RARB: variants seen among roughly 807,000 people sequenced by gnomAD.
The protein encoded by RARB is retinoic acid receptor beta.
Under a neutral mutation model 51.9 loss-of-function variants are expected in RARB, and 17 were observed. The observed-to-expected ratio is 0.33, with a 90% CI of 0.22 to 0.49. The LOEUF is 0.49. Ranked by LOEUF, RARB falls within the 20% of genes least tolerant of loss-of-function variation. The pLI is 0.99. For missense variants in RARB, 369 were observed against 550.8 expected (o/e 0.67, Z 3.30); for synonymous variants, 215 against 195.4 (o/e 1.10, Z -0.84).
At chr3:25,204,607 T>G (rs942221674) in intron 5 of RARB, among the ~76,000 whole-genome samples, 5 of 152,222 alleles carry the variant, frequency 3.3e-5, no homozygotes, top group Non-Finnish European at 7.3e-5. Flanking sequence ...GGTTTTGGTG[T>G]GGATGTCCTT....
intron 5 of RARB, among the ~76,000 whole-genome samples, chr3:25,344,650 C>A (rs1420458778): frequency 1.3e-5 from 2 of 152,222 alleles, no homozygotes; most frequent in Non-Finnish European, 2.9e-5. Flanking sequence ...AACATTGACA[C>A]AGCTTGGCAA....
chr3:25,576,569 C>A (rs1036167317), intron 4 of RARB, among the ~76,000 whole-genome samples: 2 of 152,190 alleles, frequency 1.3e-5, no homozygotes, highest in Non-Finnish European at 2.9e-5. Flanking sequence ...GCTCAGGAAT[C>A]TTAGACGATG....
chr3:25,302,357 A>T (rs918490516), intron 5 of RARB, among the ~76,000 whole-genome samples: 15 of 152,372 alleles, frequency 9.8e-5, no homozygotes, highest in Non-Finnish European at 2.2e-4. Flanking sequence ...GATTGTAAAT[A>T]ACCCAAATAT....
intron 3 of RARB, among the ~76,000 whole-genome samples, chr3:25,086,020 G>T (rs893688609): frequency 6.6e-6 from 1 of 152,082 alleles, no homozygotes; most frequent in African/African-American, 2.4e-5. Context: ...TACATCTTAC[G>T]GCTTTGCCAT....
At chr3:25,280,393 C>T (rs1182341352) in intron 5 of RARB, among the ~76,000 whole-genome samples, 1 of 152,154 alleles carries the variant, frequency 6.6e-6, no homozygotes, top group Non-Finnish European at 1.5e-5. Flanking sequence ...GCTGCTTCTG[C>T]TGTTTTCTCA....
At chr3:24,880,280 G>A (rs1703133874) in intron 2 of RARB, among the ~76,000 whole-genome samples, 1 of 151,720 alleles carries the variant, frequency 6.6e-6, no homozygotes, top group Admixed American at 6.6e-5. Flanking sequence ...CAGAGAGATG[G>A]AAAAAATAGA....
At chr3:24,891,403 T>C (rs963463299) in intron 2 of RARB, among the ~76,000 whole-genome samples, 4 of 152,140 alleles carry the variant, frequency 2.6e-5, no homozygotes, top group Admixed American at 1.3e-4. Context: ...GCTTCAGTTT[T>C]CCAACATCTC....
At chr3:24,913,155 T>G (rs920455252) in intron 2 of RARB, among the ~76,000 whole-genome samples, 1 of 151,522 alleles carries the variant, frequency 6.6e-6, no homozygotes, top group Admixed American at 6.6e-5. Context: ...TAATTTTGTT[T>G]TTGTATTTTT....
At chr3:25,460,596 C>T (rs930100980) in intron 1 of RARB, among the ~76,000 whole-genome samples, 19 of 151,880 alleles carry the variant, frequency 1.3e-4, no homozygotes, top group Admixed American at 3.3e-4. Context: ...TACAGGCGCA[C>T]ACCACCACAC....
At chr3:25,309,591 G>A (rs1212775086) in intron 5 of RARB, among the ~76,000 whole-genome samples, 11 of 134,564 alleles carry the variant, frequency 8.2e-5, no homozygotes, top group East Asian at 5.2e-4. Context: ...TCCCCCTCCC[G>A]AGTTCAAGCA....
intron 1 of RARB, among the ~76,000 whole-genome samples, chr3:25,453,189 C>CTTG (rs1432146236): frequency 6.9e-6 from 1 of 145,646 alleles, no homozygotes; most frequent in Non-Finnish European, 1.5e-5. Context: ...ATCAAGGGGT[C>CTTG]TTGTTAGGAT....
chr3:25,342,414 C>T (rs973792597), intron 5 of RARB, among the ~76,000 whole-genome samples: 21 of 152,162 alleles, frequency 1.4e-4, no homozygotes, highest in African/African-American at 3.6e-4. Flanking sequence ...GAATCTTCAT[C>T]GGCTGCTAGG....
chr3:24,844,689 T>C (rs1449741112), intron 1 of RARB, among the ~76,000 whole-genome samples: 2 of 152,230 alleles, frequency 1.3e-5, no homozygotes, highest in Non-Finnish European at 2.9e-5. Context: ...TCTATAAGAT[T>C]GTGATAAATA....
intron 5 of RARB, among the ~76,000 whole-genome samples, chr3:25,366,344 C>A (rs372732158): frequency 4.6e-5 from 7 of 152,282 alleles, no homozygotes; most frequent in African/African-American, 1.4e-4. Context: ...TGATGCTTTG[C>A]CTTCTACCCC....
chr3:25,563,404 T>C (rs958272950), intron 3 of RARB, among the ~76,000 whole-genome samples: 2 of 152,194 alleles, frequency 1.3e-5, no homozygotes, highest in Admixed American at 1.3e-4. Context: ...TTCACTGACC[T>C]TTTTTCTCTG....
At chr3:24,997,096 A>T (rs1575111322) in intron 2 of RARB, among the ~76,000 whole-genome samples, 3 of 152,166 alleles carry the variant, frequency 2.0e-5, no homozygotes, top group Admixed American at 2.0e-4. Context: ...TCTATCTCTC[A>T]CTTTAGATCT....
intron 5 of RARB, among the ~76,000 whole-genome samples, chr3:25,419,169 T>C (rs1043535487): frequency 6.6e-6 from 1 of 152,132 alleles, no homozygotes; most frequent in Non-Finnish European, 1.5e-5. Flanking sequence ...GGTGGTGCTC[T>C]GTGTCCCTGT....
rs1489913952 is a variant in RARB at position 25,261,303 on chromosome 3, CCTT to C, written c.178+86735_178+86737del. Among the ~76,000 whole-genome samples, 15 of 152,090 alleles carry C rather than the reference CCTT, an allele frequency of 9.9e-5. No individual in the cohort carries two copies. In the South Asian group the frequency reaches 2.9e-3, roughly 29 times the overall value. ...CTACATTTGACCCTATTTATCCTTC[CCTT>C]CTTCTTGAAACTCTCTATTCCCTTG... On this transcript the variant is annotated intron_variant, in intron 5 of 11. Transcript: ENST00000383772.
At chr3:25,295,460 C>T (rs185758480) in intron 5 of RARB, among the ~76,000 whole-genome samples, 82 of 152,228 alleles carry the variant, frequency 5.4e-4, no homozygotes, top group Non-Finnish European at 9.3e-4. Flanking sequence ...CTTGGACTTC[C>T]CAGGCTCCAC....
Sources: gnomAD v4.1 joint callset for allele counts (sites outside exome capture counted in the v4.1 genomes callset) on GRCh38, gnomAD v4.1.1 for gene constraint, MANE v1.5 for transcripts, NCBI Gene and HGNC (gene_info 2026-07-23, HGNC 2026-07-21) for gene names.